Variants in ACTN1 observed in about 807,000 individuals in gnomAD.
The protein encoded by ACTN1 is actinin alpha 1.
A neutral mutation model predicts 119.6 loss-of-function variants in ACTN1; 30 were observed. The observed-to-expected ratio is 0.25, with a 90% CI of 0.19 to 0.34. The LOEUF (loss-of-function observed/expected upper bound fraction) is 0.34, where lower values mean the gene tolerates loss of function less well. Among genes scored for constraint, ACTN1 ranks in the 10% least tolerant of loss-of-function variants. The pLI, the probability that ACTN1 is intolerant of heterozygous loss-of-function variation, is 1.00. For missense variants in ACTN1, 764 were observed against 1,223.4 expected (o/e 0.62, Z 5.60); for synonymous variants, 429 against 472.6 (o/e 0.91, Z 1.20).
At chr14:68,895,187 T>A (rs943680776) in intron 8 of ACTN1, among the ~76,000 whole-genome samples, 5 of 151,036 alleles carry the variant, frequency 3.3e-5, no homozygotes, top group Non-Finnish European at 5.9e-5. Flanking sequence ...GGTCTAAGAG[T>A]CCCCTGAGGT....
intron 1 of ACTN1, among the ~76,000 whole-genome samples, chr14:68,958,472 G>A (rs1328069943): frequency 6.6e-6 from 1 of 151,922 alleles, no homozygotes; most frequent in Non-Finnish European, 1.5e-5. Flanking sequence ...TTTGTAGTTT[G>A]CTGTAGTTTC....
intron 1 of ACTN1, among the ~76,000 whole-genome samples, chr14:68,966,248 A>T (rs1031645996): frequency 3.9e-5 from 6 of 152,116 alleles, no homozygotes; most frequent in Admixed American, 1.3e-4. Context: ...TTTTGTTTTT[A>T]AAAAAAGAAG....
At chr14:68,911,487 T>C (rs556320494) in intron 4 of ACTN1, among the ~76,000 whole-genome samples, 2 of 152,232 alleles carry the variant, frequency 1.3e-5, no homozygotes, top group East Asian at 1.9e-4. Context: ...CACAAAGCAA[T>C]TGAATTGAAT....
chr14:68,908,153 C>A (rs1056301470), intron 6 of ACTN1, among the ~76,000 whole-genome samples: 1 of 149,556 alleles, frequency 6.7e-6, no homozygotes, highest in Non-Finnish European at 1.5e-5. Flanking sequence ...GAGGCCTCAG[C>A]CTCAAGCTTC....
chr14:68,936,771 T>C, intron 1 of ACTN1: 1 of 614,202 alleles, frequency 1.6e-6, no homozygotes, highest in Admixed American at 1.9e-5. Flanking sequence ...TGAAGACCTC[T>C]TCCAGGAATG....
At chr14:68,936,595 A>C (rs1326204020) in intron 1 of ACTN1, 1 of 567,144 alleles carries the variant, frequency 1.8e-6, no homozygotes, top group Non-Finnish European at 3.4e-6. Context: ...GATTAGGCCT[A>C]ATCAAGATGA....
rs2034050008 is a variant in ACTN1 at position 68,912,190 on chromosome 14, G to T, written c.393C>A (p.Ile131=). ...KMTLGMIWTI[I]LRFAIQDISV... ...AGATGTCCTGGATGGCAAAGCGCAG[G>T]ATGATGGTCCAGATCATGCCCAGGG... Residue 131 remains isoleucine (I), a synonymous_variant, in exon 4 of 22, where the codon ATC becomes ATA. Coordinates refer to ENST00000394419, the MANE Select transcript of ACTN1 (RefSeq NM_001130004.2). 6.2e-7 allele frequency: 1 copy of T among 1,613,974 alleles called. No homozygotes were observed. The highest frequency in any genetic ancestry group is 1.3e-5 in the African/African-American group (1 of 74,874).
At chr14:68,929,600 C>T (rs139211337) in intron 1 of ACTN1, among the ~76,000 whole-genome samples, 253 of 152,296 alleles carry the variant, frequency 1.7e-3, no homozygotes, top group South Asian at 3.5e-3. Flanking sequence ...GGATACACTC[C>T]GTTCCAGAAA....
At chr14:68,947,065 G>A (rs1327960783) in intron 1 of ACTN1, among the ~76,000 whole-genome samples, 1 of 152,210 alleles carries the variant, frequency 6.6e-6, no homozygotes, top group Non-Finnish European at 1.5e-5. Flanking sequence ...AGCAATCTGA[G>A]GGAAACGGCA....
intron 1 of ACTN1, among the ~76,000 whole-genome samples, chr14:68,969,497 T>C (rs1372714009): frequency 6.6e-6 from 1 of 152,240 alleles, no homozygotes; most frequent in African/African-American, 2.4e-5. Context: ...CCATTATCTA[T>C]TATCTGGAGG....
intron 1 of ACTN1, among the ~76,000 whole-genome samples, chr14:68,961,760 G>A (rs997550538): frequency 2.0e-5 from 3 of 152,212 alleles, no homozygotes; most frequent in African/African-American, 4.8e-5. Context: ...ACAGAAGGAG[G>A]AGGCAGGAGC....
At chr14:68,953,794 G>A (rs1449820382) in intron 1 of ACTN1, among the ~76,000 whole-genome samples, 1 of 151,316 alleles carries the variant, frequency 6.6e-6, no homozygotes, top group Admixed American at 6.6e-5. Context: ...GGCTGAGGCA[G>A]AAGAATCACC....
chr14:68,954,692 G>A (rs568112301), intron 1 of ACTN1, among the ~76,000 whole-genome samples: 95 of 152,226 alleles, frequency 6.2e-4, no homozygotes, highest in African/African-American at 2.1e-3. Flanking sequence ...CACACTCCTG[G>A]GGGGTGAAAT....
At chr14:68,906,934 G>A (rs1043077115) in intron 6 of ACTN1, among the ~76,000 whole-genome samples, 4 of 151,994 alleles carry the variant, frequency 2.6e-5, no homozygotes, top group Admixed American at 6.6e-5. Flanking sequence ...GACCAGCCTC[G>A]GCAATATAGT....
At chr14:68,952,112 C>A (rs1198451084) in intron 1 of ACTN1, among the ~76,000 whole-genome samples, 1 of 152,216 alleles carries the variant, frequency 6.6e-6, no homozygotes, top group Non-Finnish European at 1.5e-5. Context: ...GGTTCAGTCT[C>A]CAGCTTTCCG....
chr14:68,938,329 C>T (rs2035622265), intron 1 of ACTN1, among the ~76,000 whole-genome samples: 1 of 152,080 alleles, frequency 6.6e-6, no homozygotes, highest in Non-Finnish European at 1.5e-5. Context: ...TGCTGGGGTC[C>T]TGGAGATTCA....
At chr14:68,936,658 A>G in intron 1 of ACTN1, 1 of 624,926 alleles carries the variant, frequency 1.6e-6, no homozygotes, top group Admixed American at 2.0e-5. Context: ...GGGAAGAGCC[A>G]GTGGGGAGCC....
At chr14:68,876,991 G>A in intron 21 of ACTN1, 91 bp downstream of exon 21, 1 of 1,474,132 alleles carries the variant, frequency 6.8e-7, no homozygotes, top group Admixed American at 2.0e-5. Context: ...AGGGGCGGTT[G>A]AGGAGTTCAT....
At chr14:68,933,336 G>A (rs1363753196) in intron 1 of ACTN1, among the ~76,000 whole-genome samples, 5 of 151,658 alleles carry the variant, frequency 3.3e-5, no homozygotes, top group African/African-American at 4.8e-5. Context: ...GGGTTTCACC[G>A]TGTTGGCCAG....
Sources: gnomAD v4.1 joint callset for allele counts (sites outside exome capture counted in the v4.1 genomes callset) on GRCh38, gnomAD v4.1.1 for gene constraint, MANE v1.5 for transcripts, NCBI Gene and HGNC (gene_info 2026-07-23, HGNC 2026-07-21) for gene names.